RRM2: variants seen among roughly 807,000 people sequenced by gnomAD.
The protein encoded by RRM2 is ribonucleoside-diphosphate reductase subunit M2.
Under a neutral mutation model 45.9 loss-of-function variants are expected in RRM2, and 6 were observed. The ratio of observed to expected loss-of-function variants is 0.13; its 90% CI spans 0.07 to 0.26. The LOEUF (loss-of-function observed/expected upper bound fraction) is 0.26. RRM2 is among the 10% of genes least tolerant of loss of function. RRM2 has a pLI of 1.00. For synonymous variants in RRM2, 177 were observed against 173.0 expected (o/e 1.02, Z -0.18); for missense variants, 343 against 489.5 (o/e 0.70, Z 2.82).
At chr2:10,123,182 C>CG in intron 2 of RRM2, 125 bp downstream of exon 2, 1 of 1,298,728 alleles carries the variant, frequency 7.7e-7, no homozygotes, top group Non-Finnish European at 1.0e-6. Flanking sequence ...GCGGCCCCTC[C>CG]CCAGGGCTGC....
chr2:10,209,061 T>TTTCTTTCTTTCTTTCTTTC (rs1558409781), intron 3 of RRM2, among the ~76,000 whole-genome samples: 6 of 80,148 alleles, frequency 7.5e-5, no homozygotes, highest in East Asian at 4.4e-4. Context: ...TTCTTTCTTT[T>TTTCTTTCTTTCTTTCTTTC]TTTTTTTTTT....
intron 3 of RRM2, among the ~76,000 whole-genome samples, chr2:10,144,232 G>A (rs918632430): frequency 6.6e-6 from 1 of 152,194 alleles, no homozygotes; most frequent in African/African-American, 2.4e-5. Flanking sequence ...CGGGGAGTGG[G>A]AGGAGGTGGC....
rs962207784 is a variant in RRM2, at chr2:10,195,132, G to A, written n.483-15179G>A. ...ACTTAGCAGGGTGGTGAGGGCCACA[G>A]GTGTGGTCTGAGCTCCTGGGGAGCT... On this transcript the variant is annotated intron_variant and non_coding_transcript_variant, in intron 3 of 3. Coordinates refer to the RRM2 transcript ENST00000381786. This position sits in a 1 kb window ranked among gnomAD's most constrained non-coding sequence, Gnocchi z 4.9. 5.3e-5 allele frequency among the ~76,000 whole-genome samples: 8 copies of A among 152,302 alleles called. No homozygotes were observed. The highest frequency in any genetic ancestry group is 1.3e-4 in the Admixed American group (2 of 15,304).
intron 3 of RRM2, among the ~76,000 whole-genome samples, chr2:10,167,813 C>T (rs752853809): frequency 2.2e-4 from 33 of 152,176 alleles, no homozygotes; most frequent in South Asian, 1.9e-3. Context: ...TCTCTTCCCA[C>T]ACAAGGCCAT....
chr2:10,155,766 G>C (rs1663409432), intron 3 of RRM2: 1 of 152,274 alleles, frequency 6.6e-6, no homozygotes, highest in Non-Finnish European at 1.5e-5. Flanking sequence ...ATTTCCTCCA[G>C]AACAGTGGCA....
In RRM2 at chr2:10,129,541, G is replaced by A. The variant is rs978160437; in HGVS notation, c.*155G>A. 1 of 794,378 alleles carries A rather than the reference G, an allele frequency of 1.3e-6. No homozygotes were observed. Among genetic ancestry groups the A allele is most frequent in the African/African-American group, 1.7e-5 (1 of 57,666 alleles). 49.2% of individuals were successfully genotyped at this position (794,378 alleles called of 1,614,324 possible). On this transcript the variant is annotated 3_prime_UTR_variant, in exon 10 of 10. Transcript: ENST00000304567. The surrounding 1 kb of genome is among the most constrained non-coding windows in gnomAD (Gnocchi z 4.8). Reference sequence around the variant, plus strand: ...GTGTAGCTACCTCACAACCAGTCCTGTCTGTTTATAGTGCTGGTAGTATCA... The same window carrying A: ...GTGTAGCTACCTCACAACCAGTCCTATCTGTTTATAGTGCTGGTAGTATCA...
At position 10,131,137 on chromosome 2, in the gene RRM2, T is replaced by C. The variant is rs1432660907; in HGVS notation, c.*1751T>C. ...ATCTCTGTAATATGATACATTTTCC[T>C]ATCTTTTAAGTTATTGTTACCTAAA... On this transcript the variant is annotated 3_prime_UTR_variant, in exon 10 of 10. Transcript: ENST00000304567. 6.6e-6 allele frequency: 1 copy of C among 152,242 alleles called. No individual in the cohort carries two copies. Among genetic ancestry groups the C allele is most frequent in the Admixed American group, 6.5e-5 (1 of 15,278 alleles). The allele number at this position is 152,242 out of a possible 1,614,324, so 9.4% of individuals were successfully genotyped here.
At chr2:10,162,480 A>G (rs907467012) in intron 3 of RRM2, among the ~76,000 whole-genome samples, 1 of 150,570 alleles carries the variant, frequency 6.6e-6, no homozygotes, top group Non-Finnish European at 1.5e-5. Context: ...GAGATAGAGA[A>G]CCCCTTCCTT....
At chr2:10,180,076 G>A (rs4416188) in intron 3 of RRM2, among the ~76,000 whole-genome samples, 37,382 of 151,984 alleles carry the variant, frequency 0.25, 5,139 homozygotes, top group East Asian at 0.51. Flanking sequence ...GCCATCCCAC[G>A]GCTCCCTTCC....
intron 3 of RRM2, among the ~76,000 whole-genome samples, chr2:10,186,506 A>G (rs537095904): frequency 2.6e-5 from 4 of 151,290 alleles, no homozygotes; most frequent in Admixed American, 2.6e-4. Flanking sequence ...TTTCCTAGCC[A>G]AAGCCTGGTG....
intron 3 of RRM2, among the ~76,000 whole-genome samples, chr2:10,179,702 A>G (rs1664004088): frequency 6.6e-6 from 1 of 152,194 alleles, no homozygotes; most frequent in African/African-American, 2.4e-5. Context: ...TCTGTCCAGC[A>G]CTGTGAGGGA....
rs966778447 is a variant in RRM2, at chr2:10,205,939, C to T, written n.483-4372C>T. ...AACTCCTGACCTCATATGATCCTCC[C>T]GCCTTGGCTTCCCAAAGTTCTGGGA... On this transcript the variant is annotated intron_variant and non_coding_transcript_variant, in intron 3 of 3. Coordinates refer to the RRM2 transcript ENST00000381786. The surrounding 1 kb of genome is among the most constrained non-coding windows in gnomAD (Gnocchi z 4.8). Among the ~76,000 whole-genome samples, 3 of 152,086 alleles carry T rather than the reference C, an allele frequency of 2.0e-5. No individual in the cohort carries two copies. The highest frequency in any genetic ancestry group is 1.5e-5 in the Non-Finnish European group (1 of 68,002).
intron 3 of RRM2, among the ~76,000 whole-genome samples, chr2:10,200,500 CA>C (rs1664535362): frequency 2.9e-5 from 1 of 34,478 alleles, no homozygotes; most frequent in South Asian, 1.2e-3. Flanking sequence ...ACCGCGCACA[CA>C]AAATATGAGG....
chr2:10,177,709 C>T (rs200449799), intron 3 of RRM2, among the ~76,000 whole-genome samples: 61 of 120,164 alleles, frequency 5.1e-4, no homozygotes, highest in African/African-American at 2.3e-3. Context: ...CTTCCTTCCT[C>T]TCTCCCTCCC....
chr2:10,123,488 G>A lies in RRM2; in HGVS notation c.276G>A (p.Gln92=), dbSNP rs1352279216. Residue 92 remains glutamine, a synonymous_variant, in exon 3 of 10, where the codon CAG becomes CAA. Coordinates refer to ENST00000304567, the MANE Select transcript of RRM2 (RefSeq NM_001034.4). ...CCATCGAGTACCATGATATCTGGCA[G>A]ATGTATAAGAAGGCAGAGGCTTCCT... ...IFPIEYHDIW[Q]MYKKAEASFW... 6.2e-7 allele frequency: 1 copy of A among 1,614,114 alleles called. No individual in the cohort carries two copies. The highest frequency in any genetic ancestry group is 2.2e-5 in the East Asian group (1 of 44,880).
At chr2:10,197,703 C>G (rs530794598) in intron 3 of RRM2, among the ~76,000 whole-genome samples, 1 of 152,190 alleles carries the variant, frequency 6.6e-6, no homozygotes, top group Non-Finnish European at 1.5e-5. Flanking sequence ...GATAAAGTCA[C>G]TTTTGCAATA....
rs1288055933 is a variant in RRM2, at chr2:10,128,829, C to G, written c.799-19C>G. 1 of 1,587,134 alleles carries G rather than the reference C, an allele frequency of 6.3e-7. No homozygotes were observed. Among genetic ancestry groups the G allele is most frequent in the Non-Finnish European group, 8.7e-7 (1 of 1,155,786 alleles). On this transcript the variant is annotated intron_variant, in intron 7 of 9. Transcript: ENST00000304567. ...ACAGAAGTCTTCTGGCTTTAGTGAT[C>G]TTGAACTTTTTTTTCTAGGGTTTAC... is the stretch of plus-strand genomic sequence containing the variant.
At chr2:10,135,320 A>C (rs899077242), downstream of RRM2, among the ~76,000 whole-genome samples, 19 of 152,200 alleles carry the variant, frequency 1.2e-4, no homozygotes, top group African/African-American at 4.3e-4. Flanking sequence ...GACCGAACTC[A>C]AACAACAAAT....
intron 3 of RRM2, among the ~76,000 whole-genome samples, chr2:10,177,845 C>T (rs1663963121): frequency 6.6e-6 from 1 of 151,664 alleles, no homozygotes; most frequent in South Asian, 2.1e-4. Flanking sequence ...TGGTCTCGAA[C>T]TTCTGACTTA....
Sources: gnomAD v4.1 joint callset for allele counts (sites outside exome capture counted in the v4.1 genomes callset) on GRCh38, gnomAD v4.1.1 for gene constraint, Gnocchi (gnomAD v3.1) non-coding constraint, MANE v1.5 for transcripts, NCBI Gene and HGNC (gene_info 2026-07-23, HGNC 2026-07-21) for gene names.